The following COL10A1 variants were observed in gnomAD, a reference collection of about 807,000 sequenced individuals.
COL10A1 encodes the protein collagen type X alpha 1 chain.
A neutral mutation model predicts 18.2 loss-of-function variants in COL10A1; 10 were observed. The ratio of observed to expected loss-of-function variants is 0.55; its 90% CI spans 0.34 to 0.93. The LOEUF is 0.93. COL10A1 is among the 40% of genes least tolerant of loss of function. The probability of loss-of-function intolerance (pLI) is 0.02; values close to 1 mark genes in which losing one functional copy is unlikely to be tolerated. For missense variants in COL10A1, 897 were observed against 853.5 expected (o/e 1.05, Z -0.64); for synonymous variants, 330 against 316.6 (o/e 1.04, Z -0.45).
intron 1 of COL10A1, among the ~76,000 whole-genome samples, chr6:116,147,015 T>TA (rs1779916121): frequency 2.2e-5 from 3 of 136,100 alleles, no homozygotes; most frequent in African/African-American, 8.5e-5. Flanking sequence ...ATATATATAT[T>TA]TTTAATCATG....
At chr6:116,153,804 A>G (rs1003089528) in intron 1 of COL10A1, among the ~76,000 whole-genome samples, 3 of 152,114 alleles carry the variant, frequency 2.0e-5, no homozygotes, top group African/African-American at 7.2e-5. Flanking sequence ...CTAAGTTTTG[A>G]TAAACTGAGT....
At chr6:116,203,893 C>T in the COL10A1 span, among the ~76,000 whole-genome samples, 1 of 151,766 alleles carries the variant, frequency 6.6e-6, no homozygotes, top group Non-Finnish European at 1.5e-5. Flanking sequence ...TATTTTTTGC[C>T]ACTTGATATC....
Position 116,125,386 on chromosome 6 carries a change from G to C in COL10A1, c.107C>G (p.Pro36Arg). ...AATGAAGAACTGTGTCTTGGTGTTGGGTAGTGGGCCTTTTATGCCTGTGGG... is the reference window on the plus strand; with the variant it reads ...AATGAAGAACTGTGTCTTGGTGTTGCGTAGTGGGCCTTTTATGCCTGTGGG... ...QMPTGIKGPL[P>R]NTKTQFFIPY... Residue 36 changes from proline (P) to arginine (R), a missense_variant, in exon 2 of 3, where the codon CCC becomes CGC. Physicochemically the swap from Pro to Arg is moderately radical, Grantham distance 103. Transcript: ENST00000651968. The C allele has an allele frequency of 1.2e-6, 2 of 1,613,778 alleles. No homozygotes were observed. Among genetic ancestry groups the C allele is most frequent in the South Asian group, 2.2e-5 (2 of 91,058 alleles).
chr6:116,147,361 G>A (rs1357585818), intron 1 of COL10A1, among the ~76,000 whole-genome samples: 2 of 151,940 alleles, frequency 1.3e-5, no homozygotes, highest in African/African-American at 4.8e-5. Context: ...GAAATTGCTT[G>A]AACCCGGGAG....
chr6:116,195,331 A>T, the COL10A1 span, among the ~76,000 whole-genome samples: 2 of 152,162 alleles, frequency 1.3e-5, no homozygotes, highest in East Asian at 3.9e-4. Flanking sequence ...ATTGACTCAA[A>T]CATTGGAAAT....
chr6:116,209,354 G>A, the COL10A1 span, among the ~76,000 whole-genome samples: 1 of 151,940 alleles, frequency 6.6e-6, no homozygotes, highest in Non-Finnish European at 1.5e-5. Flanking sequence ...AGTCTTGCCT[G>A]GTAGCTTTTT....
rs1312818651 is a variant in COL10A1 at position 116,121,221 on chromosome 6, C to G, written c.895G>C (p.Gly299Arg). The G allele has an allele frequency of 6.2e-6, 10 of 1,613,542 alleles. No homozygotes were observed. Among genetic ancestry groups the G allele is most frequent in the African/African-American group, 1.3e-5 (1 of 74,836 alleles). ...TTCAGGCCTGGCAAGCCTGGTTTCC[C>G]AAAGCCAGGAGGCCCTGGGGGCCCA... ...IAGPPGPPGF[G>R]KPGLPGLKGE... Residue 299 changes from glycine (G) to arginine (R), a missense_variant, in exon 3 of 3, where the codon GGG becomes CGG. By Grantham distance (125) the Gly-to-Arg change is moderately radical. Coordinates refer to ENST00000651968, the MANE Select transcript of COL10A1 (RefSeq NM_000493.4).
chr6:116,178,760 G>A, the COL10A1 span, among the ~76,000 whole-genome samples: 33 of 152,324 alleles, frequency 2.2e-4, no homozygotes, highest in East Asian at 6.0e-3. Flanking sequence ...CAAAATGTGA[G>A]CATCTCAGAA....
the COL10A1 span, among the ~76,000 whole-genome samples, chr6:116,178,588 G>T: frequency 6.6e-6 from 1 of 152,216 alleles, no homozygotes; most frequent in South Asian, 2.1e-4. Flanking sequence ...AAATTACCAA[G>T]TGTTCCCACC....
At chr6:116,202,601 C>G in the COL10A1 span, among the ~76,000 whole-genome samples, 10 of 151,816 alleles carry the variant, frequency 6.6e-5, no homozygotes, top group Admixed American at 6.6e-4. Context: ...TTCAGTGACA[C>G]TAAGTTTAGA....
intron 1 of COL10A1, among the ~76,000 whole-genome samples, chr6:116,135,963 T>C (rs778769268): frequency 1.3e-5 from 2 of 151,118 alleles, no homozygotes; most frequent in African/African-American, 2.4e-5. Context: ...ATACCTACTC[T>C]TTTAGCGTAT....
intron 1 of COL10A1, chr6:116,137,555 C>T (rs1779641958): frequency 4.7e-6 from 1 of 214,264 alleles, no homozygotes; most frequent in Non-Finnish European, 9.9e-6. Flanking sequence ...CATGGGTCTC[C>T]TCTTTAGTCA....
the COL10A1 span, among the ~76,000 whole-genome samples, chr6:116,172,182 C>T: frequency 6.6e-6 from 1 of 151,946 alleles, no homozygotes; most frequent in Non-Finnish European, 1.5e-5. Context: ...ATGATTTCCT[C>T]ATAGAAAGAT....
the COL10A1 span, among the ~76,000 whole-genome samples, chr6:116,178,030 T>G: frequency 1.3e-5 from 2 of 151,242 alleles, no homozygotes; most frequent in Admixed American, 1.3e-4. Context: ...ATGTCTAGCT[T>G]TCATAACTTT....
chr6:116,160,822 C>A (rs574273676), upstream of COL10A1, among the ~76,000 whole-genome samples: 2 of 151,990 alleles, frequency 1.3e-5, no homozygotes, highest in African/African-American at 2.4e-5. Context: ...TAGGGGTCCA[C>A]CAGCCATCCC....
In COL10A1 at chr6:116,119,190, A is replaced by C. The variant is rs1326828743; in HGVS notation, c.*883T>G. 3 of 152,674 alleles carry C rather than the reference A, an allele frequency of 2.0e-5. No homozygotes were observed. Among genetic ancestry groups the C allele is most frequent in the Non-Finnish European group, 4.4e-5 (3 of 68,038 alleles). 9.5% of individuals were successfully genotyped at this position (152,674 alleles called of 1,614,324 possible). A position where few individuals can be genotyped will look rare whatever the true frequency, so the allele number is the denominator to read the frequency against. On this transcript the variant is annotated 3_prime_UTR_variant, in exon 3 of 3. Transcript: ENST00000651968. ...CTTCTAGTCGAATTTTGAAACCCTC[A>C]GTGTAAATTATAACTTCACTTGAAT...
the COL10A1 span, among the ~76,000 whole-genome samples, chr6:116,176,886 C>A: frequency 2.4e-4 from 36 of 152,294 alleles, no homozygotes; most frequent in African/African-American, 8.7e-4. Context: ...TCTCCAAGTG[C>A]AGCATCTGGA....
In COL10A1 at chr6:116,146,611, ATACT is replaced by A. The variant is rs1349596215; in HGVS notation, c.-16+11999_-16+12002del. On this transcript the variant is annotated intron_variant, in intron 1 of 1. Transcript: ENST00000418500. ...TTAAATAGGAATAAATCTAGGGAAA[ATACT>A]TACTTTATCTGTATCTTACAGTTTC... 4.6e-5 allele frequency among the ~76,000 whole-genome samples: 7 copies of A among 152,220 alleles called. No individual in the cohort carries two copies. The East Asian group carries it at 1.2e-3, about 25-fold the overall frequency.
At chr6:116,155,752 TAAAAAAAAAAAA>T (rs58270869) in intron 1 of COL10A1, among the ~76,000 whole-genome samples, 1 of 114,616 alleles carries the variant, frequency 8.7e-6, no homozygotes, top group African/African-American at 3.2e-5. Context: ...TACTTCTCCT[TAAAAAAAAAAAA>T]AAAAAAAAGA....
Sources: gnomAD v4.1 joint callset for allele counts (sites outside exome capture counted in the v4.1 genomes callset) on GRCh38, gnomAD v4.1.1 for gene constraint, MANE v1.5 for transcripts, NCBI Gene and HGNC (gene_info 2026-07-23, HGNC 2026-07-21) for gene names.